ARFGEF1: variants seen among roughly 807,000 people sequenced by gnomAD.
ARFGEF1 encodes the protein ARF guanine nucleotide exchange factor 1.
ARFGEF1 carries 42 observed loss-of-function variants against 231.0 expected under a neutral mutation model. The ratio of observed to expected loss-of-function variants is 0.18; its 90% confidence interval spans 0.14 to 0.24. The LOEUF is 0.24. ARFGEF1 is among the 10% of genes least tolerant of loss of function. The pLI is 1.00. For synonymous variants in ARFGEF1, 710 were observed against 732.3 expected (o/e 0.97, Z 0.49); for missense variants, 1,345 against 2,192.0 (o/e 0.61, Z 7.72).
intron 1 of ARFGEF1, among the ~76,000 whole-genome samples, chr8:67,338,126 T>C (rs889940354): frequency 1.3e-5 from 2 of 152,184 alleles, no homozygotes; most frequent in Non-Finnish European, 2.9e-5. Flanking sequence ...TGCCCCTAGA[T>C]GGGGTGGGAA....
chr8:67,228,087 A>G lies in ARFGEF1; in HGVS notation c.3467T>C (p.Leu1156Pro). 1.2e-6 allele frequency: 2 copies of G among 1,610,060 alleles called. No homozygotes were observed. Among genetic ancestry groups the G allele is most frequent in the Non-Finnish European group, 1.7e-6 (2 of 1,178,696 alleles). ...AAACATTCTTGGGTGTGTCGTGGAA[A>G]GTAATTCATCCATAGACACAGCACA... is the stretch of plus-strand genomic sequence containing the variant. ...WLCAVSMDEL[L>P]STTHPRMFSL... The change falls in exon 25 of 39, where the codon CTT becomes CCT. Residue 1156 changes from leucine (L) to proline (P), a missense_variant. Around this residue, in one of 14 missense-constraint regions of ARFGEF1, gnomAD observed 146 missense variants for 321.4 expected, o/e 0.45. Transcript: ENST00000262215.
intron 7 of ARFGEF1, among the ~76,000 whole-genome samples, chr8:67,285,887 G>A (rs1211713893): frequency 6.6e-6 from 1 of 152,042 alleles, no homozygotes; most frequent in East Asian, 1.9e-4. Flanking sequence ...AAAAGCAAAT[G>A]TCATGAAAGT....
At chr8:67,199,712 G>A (rs1838254186) in intron 38 of ARFGEF1, 1 of 153,842 alleles carries the variant, frequency 6.5e-6, no homozygotes, top group Non-Finnish European at 1.4e-5. Flanking sequence ...AACAGAGGCT[G>A]GGATTTAGAG....
rs1840358852 is a variant in ARFGEF1, at chr8:67,253,378, A to G, written c.2698+73T>C. On this transcript the variant is annotated intron_variant, in intron 18 of 38. Transcript: ENST00000262215. ...TAAATGCAAACCACCACACCTGACC[A>G]TAAGTGAAAAACTCTTAGGAACCCA... is the stretch of plus-strand genomic sequence containing the variant. The G allele has an allele frequency of 1.4e-5, 16 of 1,126,238 alleles. 1 individual carries two copies. The South Asian group carries it at 2.1e-4, about 15-fold the overall frequency. 69.8% of individuals were successfully genotyped at this position (1,126,238 alleles called of 1,614,324 possible).
At chr8:67,222,996 T>C (rs1839252498) in intron 29 of ARFGEF1, among the ~76,000 whole-genome samples, 1 of 152,210 alleles carries the variant, frequency 6.6e-6, no homozygotes, top group South Asian at 2.1e-4. Context: ...CCATCTAGAT[T>C]TGTGTAAGTA....
chr8:67,278,118 T>C lies in ARFGEF1; in HGVS notation c.1028-661A>G, dbSNP rs555902704. Among the ~76,000 whole-genome samples, 3 of 152,150 alleles carry C rather than the reference T, an allele frequency of 2.0e-5. No individual in the cohort carries two copies. In the South Asian group the frequency reaches 6.2e-4, roughly 32 times the overall value. The stretch of plus-strand genomic sequence containing the variant: ...CTTCTGGTAGAACAAACAGAGATAA[T>C]GAAAATAATACCAAGTTCCAGAACT... On this transcript the variant is annotated intron_variant, in intron 7 of 38. Coordinates refer to ENST00000262215, the MANE Select transcript of ARFGEF1 (RefSeq NM_006421.5).
At chr8:67,183,360 C>T (rs1351695058) in intron 5 of ARFGEF1, among the ~76,000 whole-genome samples, 1 of 152,148 alleles carries the variant, frequency 6.6e-6, no homozygotes, top group Non-Finnish European at 1.5e-5. Flanking sequence ...TTCTCAGGGT[C>T]ACATGGAACA....
intron 16 of ARFGEF1, 133 bp from the exon 17 acceptor site, chr8:67,257,949 T>A: frequency 1.7e-6 from 2 of 1,190,208 alleles, no homozygotes; most frequent in East Asian, 4.8e-5. Flanking sequence ...GGATTTGTTT[T>A]ACGACTTCCA....
chr8:67,296,731 G>A, intron 4 of ARFGEF1, 121 bp from the exon 5 acceptor site: 1 of 721,390 alleles, frequency 1.4e-6, no homozygotes, highest in Non-Finnish European at 2.2e-6. Flanking sequence ...GTTCACTGCA[G>A]CCTTGAACTC....
chr8:67,257,657 T>A, intron 17 of ARFGEF1, 75 bp downstream of exon 17: 1 of 1,188,818 alleles, frequency 8.4e-7, no homozygotes, highest in Non-Finnish European at 1.2e-6. Flanking sequence ...AAATTTCAAC[T>A]ATTACTTACT....
intron 1 of ARFGEF1, among the ~76,000 whole-genome samples, chr8:67,331,216 G>T (rs1808084424): frequency 1.3e-5 from 2 of 152,118 alleles, no homozygotes; most frequent in African/African-American, 4.8e-5. Context: ...TCGATTCAGA[G>T]AAACAAAATG....
At chr8:67,319,218 G>T (rs1206768545) in intron 1 of ARFGEF1, among the ~76,000 whole-genome samples, 1 of 152,106 alleles carries the variant, frequency 6.6e-6, no homozygotes, top group Non-Finnish European at 1.5e-5. Context: ...CACATAAACA[G>T]ATTCTAACAT....
At chr8:67,252,376 G>A (rs1297398306) in intron 18 of ARFGEF1, among the ~76,000 whole-genome samples, 1 of 150,754 alleles carries the variant, frequency 6.6e-6, no homozygotes, top group African/African-American at 2.4e-5. Context: ...GAAAACAACT[G>A]GCCATAACAC....
intron 1 of ARFGEF1, among the ~76,000 whole-genome samples, chr8:67,326,660 C>T (rs111269934): frequency 6.6e-6 from 1 of 152,170 alleles, no homozygotes; most frequent in East Asian, 1.9e-4. Context: ...TAAGTCCTCA[C>T]TTAACATTGT....
intron 7 of ARFGEF1, among the ~76,000 whole-genome samples, chr8:67,278,815 AATAAGT>A (rs1025238048): frequency 2.0e-5 from 3 of 152,212 alleles, no homozygotes; most frequent in African/African-American, 7.2e-5. Context: ...GTTTTGCATT[AATAAGT>A]ATAACATGAA....
intron 1 of ARFGEF1, among the ~76,000 whole-genome samples, chr8:67,304,727 AG>A (rs1480019982): frequency 6.6e-6 from 1 of 152,280 alleles, no homozygotes; most frequent in African/African-American, 2.4e-5. Context: ...GCTGAGGCAC[AG>A]GAATCGCTTG....
At chr8:67,321,732 T>C (rs1368492451) in intron 1 of ARFGEF1, among the ~76,000 whole-genome samples, 1 of 152,140 alleles carries the variant, frequency 6.6e-6, no homozygotes. Flanking sequence ...AGTGCTGGGA[T>C]TACAGGCATG....
At chr8:67,192,715 A>G (rs913073321), downstream of ARFGEF1, among the ~76,000 whole-genome samples, 1 of 152,180 alleles carries the variant, frequency 6.6e-6, no homozygotes, top group Non-Finnish European at 1.5e-5. Flanking sequence ...GTCCAAGTCC[A>G]TTCTTTTGCA....
intron 1 of ARFGEF1, among the ~76,000 whole-genome samples, chr8:67,318,551 A>C (rs1405766952): frequency 6.6e-6 from 1 of 152,232 alleles, no homozygotes; most frequent in African/African-American, 2.4e-5. Flanking sequence ...TAAGTAAAAA[A>C]TCCCAAGAAA....
Sources: gnomAD v4.1 joint callset for allele counts (sites outside exome capture counted in the v4.1 genomes callset) on GRCh38, gnomAD v4.1.1 for gene constraint, gnomAD v4.1.1 regional missense constraint, MANE v1.5 for transcripts, NCBI Gene and HGNC (gene_info 2026-07-23, HGNC 2026-07-21) for gene names.